Variants in DLG2 observed in about 807,000 individuals in gnomAD.
DLG2 encodes disks large homolog 2.
Under a neutral mutation model 132.5 loss-of-function variants are expected in DLG2, and 45 were observed. The observed-to-expected ratio is 0.34, with a 90% CI of 0.27 to 0.44. DLG2 has a LOEUF of 0.44. Ranked by LOEUF, DLG2 falls within the 20% of genes least tolerant of loss-of-function variation. DLG2 has a pLI of 1.00. For synonymous variants in DLG2, 424 were observed against 419.6 expected (o/e 1.01, Z -0.13); for missense variants, 1,045 against 1,196.9 (o/e 0.87, Z 1.87).
intron 3 of DLG2, among the ~76,000 whole-genome samples, chr11:85,390,461 C>T (rs888118286): frequency 3.3e-5 from 5 of 152,038 alleles, no homozygotes; most frequent in African/African-American, 1.2e-4. Context: ...AGAAAGTCAA[C>T]AAAGAAAGAG....
intron 19 of DLG2, among the ~76,000 whole-genome samples, chr11:83,619,850 C>T (rs1008368742): frequency 1.3e-5 from 2 of 149,704 alleles, no homozygotes; most frequent in Admixed American, 1.4e-4. Context: ...AGACCCCTTC[C>T]TGATGATTGC....
chr11:84,191,817 T>C (rs1358453945), intron 8 of DLG2, among the ~76,000 whole-genome samples: 1 of 152,104 alleles, frequency 6.6e-6, no homozygotes. Flanking sequence ...GGGAGAACTG[T>C]GGACATTTAG....
In DLG2 at chr11:84,536,624, G is replaced by T. The variant is rs931541283; in HGVS notation, c.358-1893C>A. 2.0e-5 allele frequency among the ~76,000 whole-genome samples: 3 copies of T among 152,174 alleles called. No individual in the cohort carries two copies. In the South Asian group the frequency reaches 6.2e-4, roughly 32 times the overall value. ...CACTTGCGCCCATTTTAGTTTCTCTGGCTTTCAACCCATTAACTCCCACGT... is the reference window on the plus strand; with the variant it reads ...CACTTGCGCCCATTTTAGTTTCTCTTGCTTTCAACCCATTAACTCCCACGT... On this transcript the variant is annotated intron_variant, in intron 6 of 27. Coordinates refer to ENST00000376104, the MANE Select transcript of DLG2 (RefSeq NM_001142699.3).
chr11:83,688,828 G>T (rs2080316019), intron 18 of DLG2, among the ~76,000 whole-genome samples: 1 of 151,844 alleles, frequency 6.6e-6, no homozygotes, highest in African/African-American at 2.4e-5. Context: ...ATCTAATTTG[G>T]GGACCACCAA....
At chr11:83,820,541 C>CT (rs1294986465) in intron 17 of DLG2, among the ~76,000 whole-genome samples, 1 of 152,092 alleles carries the variant, frequency 6.6e-6, no homozygotes, top group Non-Finnish European at 1.5e-5. Context: ...GCTGAAAAGT[C>CT]CAGACCTTGG....
chr11:84,152,456 G>A lies in DLG2; in HGVS notation c.624+11005C>T, dbSNP rs558715141. ...GGCTGGAGTGCAGTGGCGCAATCTCGGCTCACTGCAAGCTCCACCTCCTGG... is the reference window on the plus strand; with the variant it reads ...GGCTGGAGTGCAGTGGCGCAATCTCAGCTCACTGCAAGCTCCACCTCCTGG... On this transcript the variant is annotated intron_variant, in intron 9 of 27. Transcript: ENST00000376104. Among the ~76,000 whole-genome samples the A allele has an allele frequency of 3.3e-5, 5 of 150,038 alleles. No homozygotes were observed. The South Asian group carries it at 8.5e-4, about 25-fold the overall frequency.
chr11:83,588,640 G>C (rs1368676066), intron 19 of DLG2, among the ~76,000 whole-genome samples: 1 of 151,546 alleles, frequency 6.6e-6, no homozygotes, highest in African/African-American at 2.4e-5. Flanking sequence ...GCTGGATGGA[G>C]AATGACTTTG....
intron 3 of DLG2, among the ~76,000 whole-genome samples, chr11:85,562,236 G>A (rs1026928080): frequency 7.9e-5 from 12 of 151,714 alleles, no homozygotes; most frequent in Admixed American, 5.9e-4. Context: ...AGTTGATCCA[G>A]GCAACTTTTA....
In DLG2 at chr11:83,462,098, G is replaced by A. The variant is rs1405132987; in HGVS notation, c.2730-5C>T. 1.3e-6 allele frequency: 2 copies of A among 1,583,258 alleles called. No homozygotes were observed. The highest frequency in any genetic ancestry group is 3.3e-5 in the Admixed American group (2 of 59,958). ...GTTAGACGCTTATTCATCTCCCTGG[G>A]AAAATGAGGGTTTGTATTAGAACAT... is the stretch of plus-strand genomic sequence containing the variant. On this transcript the variant is annotated splice_region_variant and splice_polypyrimidine_tract_variant and intron_variant, in intron 26 of 27. Transcript: ENST00000376104.
chr11:85,029,671 A>G lies in DLG2; in HGVS notation c.357+81990T>C, dbSNP rs1387387641. Among the ~76,000 whole-genome samples the G allele has an allele frequency of 2.6e-5, 4 of 152,190 alleles. 1 individual carries two copies. In the South Asian group the frequency reaches 6.2e-4, roughly 24 times the overall value. ...TCCTTACCTATCTTAAATTCAGCCC[A>G]AAGATTTTTCTGTACATTATGAACT... On this transcript the variant is annotated intron_variant, in intron 6 of 27. Transcript: ENST00000376104.
chr11:84,477,300 G>A (rs549518115), intron 7 of DLG2, among the ~76,000 whole-genome samples: 5 of 151,960 alleles, frequency 3.3e-5, no homozygotes, highest in Non-Finnish European at 5.9e-5. Context: ...TTCGAGACCA[G>A]CCTGGACAAC....
chr11:83,801,725 A>C (rs1301949021), intron 17 of DLG2, among the ~76,000 whole-genome samples: 1 of 152,182 alleles, frequency 6.6e-6, no homozygotes, highest in Non-Finnish European at 1.5e-5. Flanking sequence ...ACTTTCTTAC[A>C]GAATTTAGGC....
At chr11:84,901,990 G>T (rs191763703) in intron 6 of DLG2, among the ~76,000 whole-genome samples, 2 of 152,004 alleles carry the variant, frequency 1.3e-5, no homozygotes, top group African/African-American at 4.8e-5. Context: ...GTTATAATAA[G>T]AAATTATTTA....
At chr11:83,877,909 T>G (rs1406448587) in intron 15 of DLG2, among the ~76,000 whole-genome samples, 2 of 152,178 alleles carry the variant, frequency 1.3e-5, no homozygotes, top group Non-Finnish European at 2.9e-5. Context: ...CATTTTTCCC[T>G]TCGGACCAAG....
chr11:85,142,247 C>T (rs544068942), intron 5 of DLG2, among the ~76,000 whole-genome samples: 93 of 151,760 alleles, frequency 6.1e-4, no homozygotes, highest in East Asian at 5.0e-3. Context: ...AATGTTTTAT[C>T]GTTTTCATTG....
intron 3 of DLG2, among the ~76,000 whole-genome samples, chr11:85,463,145 T>G (rs1321351043): frequency 6.6e-6 from 1 of 152,238 alleles, no homozygotes; most frequent in African/African-American, 2.4e-5. Flanking sequence ...ACGACAGCCC[T>G]AACAGACTAA....
Position 83,905,310 on chromosome 11 carries a change from C to T in DLG2, c.1496+25018G>A, listed in dbSNP as rs897506129. On this transcript the variant is annotated intron_variant, in intron 15 of 27. Coordinates refer to ENST00000376104, the MANE Select transcript of DLG2 (RefSeq NM_001142699.3). The stretch of plus-strand genomic sequence containing the variant: ...TATTAGTCCAACTGTTAAGCAGTTT[C>T]TCTCACTTTTGATCTGATTCTTACC... 5.9e-5 allele frequency among the ~76,000 whole-genome samples: 9 copies of T among 152,094 alleles called. No homozygotes were observed. In the South Asian group the frequency reaches 1.7e-3, roughly 28 times the overall value.
intron 3 of DLG2, among the ~76,000 whole-genome samples, chr11:85,365,563 C>A (rs867454982): frequency 6.6e-6 from 1 of 152,140 alleles, no homozygotes; most frequent in South Asian, 2.1e-4. Context: ...TACCATTTGA[C>A]CCAGCAATCC....
chr11:83,860,323 C>T (rs1216326884), intron 16 of DLG2, among the ~76,000 whole-genome samples: 1 of 152,168 alleles, frequency 6.6e-6, no homozygotes, highest in Non-Finnish European at 1.5e-5. Context: ...GAGGCTGTAC[C>T]CTGCAAAGCC....
Sources: allele counts gnomAD v4.1 joint callset (sites outside exome capture counted in the v4.1 genomes callset), GRCh38; gene constraint gnomAD v4.1.1; transcripts MANE v1.5; gene names NCBI Gene and HGNC (gene_info 2026-07-23, HGNC 2026-07-21).